The following BABAM2 variants were observed in gnomAD, a reference collection of about 807,000 sequenced individuals.
The protein encoded by BABAM2 is BRISC and BRCA1 A complex member 2.
A neutral mutation model predicts 54.7 loss-of-function variants in BABAM2; 31 were observed. That is an observed-to-expected ratio of 0.57 (90% CI 0.43 to 0.77). The LOEUF (loss-of-function observed/expected upper bound fraction) is 0.77, where lower values mean the gene tolerates loss of function less well. BABAM2 is among the 30% of genes least tolerant of loss of function. BABAM2 has a pLI of 0.00. For synonymous variants in BABAM2, 167 were observed against 162.9 expected (o/e 1.03, Z -0.19); for missense variants, 364 against 455.8 (o/e 0.80, Z 1.83).
intron 7 of BABAM2, among the ~76,000 whole-genome samples, chr2:28,162,777 A>G (rs1026793516): frequency 6.6e-6 from 1 of 152,224 alleles, no homozygotes; most frequent in Middle Eastern, 3.2e-3. Flanking sequence ...CTTTCAGCAC[A>G]TTCAGAAGCA....
intron 10 of BABAM2, among the ~76,000 whole-genome samples, chr2:28,293,616 C>A (rs1687463672): frequency 6.6e-6 from 1 of 152,216 alleles, no homozygotes; most frequent in Non-Finnish European, 1.5e-5. Flanking sequence ...TCCCTTCCCC[C>A]AGGGCTTCAG....
chr2:27,891,946 G>T (rs1159472739), intron 1 of BABAM2, among the ~76,000 whole-genome samples: 5 of 152,074 alleles, frequency 3.3e-5, no homozygotes, highest in Non-Finnish European at 7.3e-5. Flanking sequence ...CTCAGACCAG[G>T]TTCAGCAGTA....
intron 6 of BABAM2, among the ~76,000 whole-genome samples, chr2:28,121,585 C>T (rs1253733690): frequency 1.3e-5 from 2 of 152,122 alleles, no homozygotes; most frequent in Non-Finnish European, 2.9e-5. Flanking sequence ...TCTTCAATCT[C>T]TGTGAAGTAA....
At chr2:28,122,991 A>G (rs1669208102) in intron 6 of BABAM2, among the ~76,000 whole-genome samples, 1 of 152,186 alleles carries the variant, frequency 6.6e-6, no homozygotes, top group African/African-American at 2.4e-5. Context: ...AATCTTCCCT[A>G]TTGAAAGCAT....
intron 10 of BABAM2, among the ~76,000 whole-genome samples, chr2:28,255,193 G>C (rs1237462771): frequency 6.6e-6 from 1 of 152,172 alleles, no homozygotes; most frequent in Non-Finnish European, 1.5e-5. Context: ...ATCCGAACAA[G>C]TAAGAATCCG....
chr2:28,072,486 T>C (rs1286122273), intron 6 of BABAM2, among the ~76,000 whole-genome samples: 1 of 150,586 alleles, frequency 6.6e-6, no homozygotes, highest in African/African-American at 2.4e-5. Context: ...CCCGGGTTCA[T>C]GCCATTCTCC....
intron 7 of BABAM2, chr2:28,233,166 CG>C (rs1558458024): frequency 4.2e-6 from 2 of 470,956 alleles, no homozygotes; most frequent in Admixed American, 2.4e-5. Flanking sequence ...CCTTGCCACA[CG>C]GATTTCCTTC....
intron 6 of BABAM2, among the ~76,000 whole-genome samples, chr2:28,115,182 AACACAC>A (rs35506654): frequency 0.015 from 2,080 of 142,318 alleles, 41 homozygotes; most frequent in African/African-American, 0.041. Flanking sequence ...ATAACTTTAA[AACACAC>A]ACACACACAC....
intron 3 of BABAM2, among the ~76,000 whole-genome samples, chr2:27,934,041 T>C (rs1414453421): frequency 1.3e-5 from 2 of 152,062 alleles, no homozygotes; most frequent in Non-Finnish European, 2.9e-5. Flanking sequence ...GCAAACCTCA[T>C]TTTATTGTGC....
intron 7 of BABAM2, among the ~76,000 whole-genome samples, chr2:28,162,518 A>G (rs2147816860): frequency 6.6e-6 from 1 of 152,108 alleles, no homozygotes; most frequent in South Asian, 2.1e-4. Context: ...GGCATACACT[A>G]CTCTATGGAG....
intron 7 of BABAM2, chr2:28,233,398 T>G (rs1681604754): frequency 7.8e-6 from 3 of 384,360 alleles, no homozygotes; most frequent in Non-Finnish European, 1.1e-5. Flanking sequence ...ATTTTTTGAT[T>G]CATGAATATT....
Position 28,026,927 on chromosome 2 carries a change from A to AAT in BABAM2, c.495+1517_495+1518dup, listed in dbSNP as rs1191659821. Among the ~76,000 whole-genome samples the AAT allele has an allele frequency of 3.1e-3, 56 of 18,172 alleles. 2 individuals carry two copies. The highest frequency in any genetic ancestry group is 8.9e-3 in the East Asian group (9 of 1,014). 11.9% of individuals were successfully genotyped at this position (18,172 alleles called of 152,430 possible). ...ATATAAATATATATTAATATATATA[A>AAT]ATATATATATAAATATATATTAATA... On this transcript the variant is annotated intron_variant, in intron 5 of 11. Transcript: ENST00000379624.
At chr2:28,220,888 C>G (rs1680341925) in intron 7 of BABAM2, among the ~76,000 whole-genome samples, 1 of 152,166 alleles carries the variant, frequency 6.6e-6, no homozygotes, top group African/African-American at 2.4e-5. Context: ...TGCCACTGCA[C>G]TCTGGTCTGG....
chr2:27,895,287 C>A (rs1420943780), intron 2 of BABAM2, among the ~76,000 whole-genome samples: 2 of 152,048 alleles, frequency 1.3e-5, no homozygotes, highest in African/African-American at 2.4e-5. Flanking sequence ...CCATTAATGC[C>A]TTTTTTGTTC....
intron 10 of BABAM2, among the ~76,000 whole-genome samples, chr2:28,249,207 G>T (rs1328870836): frequency 6.6e-6 from 1 of 151,306 alleles, no homozygotes; most frequent in Non-Finnish European, 1.5e-5. Flanking sequence ...TTCTGCCTCA[G>T]CCTCCCGAGT....
Position 28,325,403 on chromosome 2 carries a change from C to T in BABAM2, c.1089-13047C>T, listed in dbSNP as rs985467460. Among the ~76,000 whole-genome samples, 1 of 152,210 alleles carries T rather than the reference C, an allele frequency of 6.6e-6. No individual in the cohort carries two copies. Among genetic ancestry groups the T allele is most frequent in the South Asian group, 2.1e-4 (1 of 4,830 alleles). On this transcript the variant is annotated intron_variant, in intron 11 of 11. Transcript: ENST00000379624. This position sits in a 1 kb window ranked among gnomAD's most constrained non-coding sequence, Gnocchi z 4.3. The stretch of plus-strand genomic sequence containing the variant: ...GATTACAGAAGACTTGTAAGGCCCC[C>T]TCCTGCCAGACGTTCTGTCATCTGC...
intron 11 of BABAM2, among the ~76,000 whole-genome samples, chr2:28,337,243 TCTC>T (rs1011458852): frequency 2.0e-5 from 3 of 151,858 alleles, no homozygotes; most frequent in African/African-American, 7.3e-5. Flanking sequence ...GCCCCTCCCT[TCTC>T]CTCCCCTCAC....
chr2:28,176,569 CAAAA>C (rs778275011), intron 7 of BABAM2, among the ~76,000 whole-genome samples: 10 of 5,040 alleles, frequency 2.0e-3, no homozygotes, highest in African/African-American at 3.3e-3. Context: ...GACTCTATCT[CAAAA>C]AAAAAAAAAA....
At chr2:28,260,142 C>T (rs995850023) in intron 10 of BABAM2, among the ~76,000 whole-genome samples, 16 of 151,950 alleles carry the variant, frequency 1.1e-4, no homozygotes, top group South Asian at 2.1e-4. Context: ...ATGATCCACC[C>T]GCCTCGGCCT....
Sources: gnomAD v4.1 joint callset for allele counts (sites outside exome capture counted in the v4.1 genomes callset) on GRCh38, gnomAD v4.1.1 for gene constraint, Gnocchi (gnomAD v3.1) non-coding constraint, MANE v1.5 for transcripts, NCBI Gene and HGNC (gene_info 2026-07-23, HGNC 2026-07-21) for gene names.